PPARGC1A: variants seen among roughly 807,000 people sequenced by gnomAD.
The protein encoded by PPARGC1A is PPARG coactivator 1 alpha.
A neutral mutation model predicts 88.7 loss-of-function variants in PPARGC1A; 25 were observed. The observed-to-expected ratio is 0.28, with a 90% CI of 0.21 to 0.39. The LOEUF (loss-of-function observed/expected upper bound fraction) is 0.39. Ranked by LOEUF, PPARGC1A falls within the 10% of genes least tolerant of loss-of-function variation. PPARGC1A has a pLI of 1.00. For synonymous variants in PPARGC1A, 363 were observed against 355.6 expected (o/e 1.02, Z -0.24); for missense variants, 880 against 968.7 (o/e 0.91, Z 1.22).
chr4:24,266,100 C>G, the PPARGC1A span, among the ~76,000 whole-genome samples: 1 of 152,118 alleles, frequency 6.6e-6, no homozygotes, highest in South Asian at 2.1e-4. Flanking sequence ...AAGAACAGAA[C>G]GTAACGAGAG....
the PPARGC1A span, among the ~76,000 whole-genome samples, chr4:24,000,746 G>GATTTGAAATTT: frequency 2.6e-5 from 4 of 152,182 alleles, no homozygotes; most frequent in Non-Finnish European, 5.9e-5. Flanking sequence ...AAGACTGCAG[G>GATTTGAAATTT]ATTTGAAATT....
the PPARGC1A span, among the ~76,000 whole-genome samples, chr4:24,098,659 A>T: frequency 6.6e-6 from 1 of 152,198 alleles, no homozygotes; most frequent in East Asian, 1.9e-4. Flanking sequence ...ATTTTGTATG[A>T]ATCTGAGCCA....
the PPARGC1A span, among the ~76,000 whole-genome samples, chr4:24,053,016 A>G: frequency 6.6e-6 from 1 of 150,542 alleles, no homozygotes; most frequent in Non-Finnish European, 1.5e-5. Flanking sequence ...GGCACCCGCC[A>G]CCACACCCGG....
the PPARGC1A span, among the ~76,000 whole-genome samples, chr4:23,942,515 C>T: frequency 4.2e-3 from 645 of 152,242 alleles, 2 homozygotes; most frequent in African/African-American, 0.015. Flanking sequence ...AAGTCCCGAT[C>T]TTTGAAACAC....
At chr4:24,171,963 C>T in the PPARGC1A span, among the ~76,000 whole-genome samples, 5 of 152,148 alleles carry the variant, frequency 3.3e-5, no homozygotes, top group African/African-American at 1.2e-4. Flanking sequence ...CTTTTCTGCA[C>T]CAAGCCTAGC....
the PPARGC1A span, among the ~76,000 whole-genome samples, chr4:24,265,968 AG>A: frequency 3.9e-5 from 6 of 152,028 alleles, no homozygotes; most frequent in Non-Finnish European, 2.9e-5. Flanking sequence ...GTCATTGAAA[AG>A]CCTAAGTTTG....
chr4:24,116,571 C>G, the PPARGC1A span, among the ~76,000 whole-genome samples: 1 of 152,214 alleles, frequency 6.6e-6, no homozygotes, highest in Non-Finnish European at 1.5e-5. Flanking sequence ...GGTTTCAGAA[C>G]ACATCTCTAG....
intron 5 of PPARGC1A, among the ~76,000 whole-genome samples, chr4:23,827,021 C>T (rs985688178): frequency 6.6e-6 from 1 of 152,100 alleles, no homozygotes; most frequent in Non-Finnish European, 1.5e-5. Flanking sequence ...TCATCTGCTT[C>T]CCCTCACCTG....
In PPARGC1A at chr4:23,814,450, T is replaced by C. The variant is rs1721549911; in HGVS notation, c.1033A>G (p.Thr345Ala). ...ESSGTQGNNS[T>A]KKGPEQSELY... ...TCGGATTGCTCCGGCCCTTTCTTGGTGGAGTTATTGCCTTGTGTACCAGAA... is the reference window on the plus strand; with the variant it reads ...TCGGATTGCTCCGGCCCTTTCTTGGCGGAGTTATTGCCTTGTGTACCAGAA... Residue 345 changes from threonine to alanine, a missense_variant, in exon 8 of 13, where the codon ACC becomes GCC. Physicochemically the swap from Thr to Ala is moderately conservative, Grantham distance 58. Coordinates refer to ENST00000264867, the MANE Select transcript of PPARGC1A (RefSeq NM_013261.5). 6.2e-7 allele frequency: 1 copy of C among 1,613,402 alleles called. No homozygotes were observed. Among genetic ancestry groups the C allele is most frequent in the East Asian group, 2.2e-5 (1 of 44,804 alleles).
At chr4:23,961,847 C>A in the PPARGC1A span, among the ~76,000 whole-genome samples, 5 of 152,244 alleles carry the variant, frequency 3.3e-5, no homozygotes, top group Admixed American at 6.5e-5. Context: ...ATCCTTTTAC[C>A]CATAAGGTGA....
At chr4:23,978,327 T>G in the PPARGC1A span, among the ~76,000 whole-genome samples, 1 of 152,196 alleles carries the variant, frequency 6.6e-6, no homozygotes, top group Non-Finnish European at 1.5e-5. Flanking sequence ...TTATAAACAT[T>G]TGGTTTGCAT....
chr4:24,229,568 CATGCCT>C, the PPARGC1A span, among the ~76,000 whole-genome samples: 1 of 151,662 alleles, frequency 6.6e-6, no homozygotes, highest in African/African-American at 2.4e-5. Context: ...CACAGTGGCT[CATGCCT>C]GTAATCCCAA....
intron 1 of PPARGC1A, among the ~76,000 whole-genome samples, chr4:23,885,518 T>A (rs1168231008): frequency 6.6e-6 from 1 of 152,222 alleles, no homozygotes; most frequent in African/African-American, 2.4e-5. Flanking sequence ...GTTATTTAAA[T>A]CATTTACTCT....
chr4:24,050,444 C>T, the PPARGC1A span, among the ~76,000 whole-genome samples: 1 of 152,094 alleles, frequency 6.6e-6, no homozygotes, highest in Non-Finnish European at 1.5e-5. Flanking sequence ...GATCCGCCCA[C>T]CTCAGCCTCC....
At chr4:23,957,941 G>C in the PPARGC1A span, among the ~76,000 whole-genome samples, 1 of 152,100 alleles carries the variant, frequency 6.6e-6, no homozygotes, top group Admixed American at 6.6e-5. Flanking sequence ...GTTGATTATA[G>C]AGTCCATTTG....
the PPARGC1A span, among the ~76,000 whole-genome samples, chr4:24,446,111 T>C: frequency 6.6e-6 from 1 of 152,164 alleles, no homozygotes; most frequent in South Asian, 2.1e-4. Flanking sequence ...CCATTCAATA[T>C]AATTGAAATT....
chr4:24,038,219 C>T, the PPARGC1A span, among the ~76,000 whole-genome samples: 6 of 152,210 alleles, frequency 3.9e-5, no homozygotes, highest in Non-Finnish European at 8.8e-5. Flanking sequence ...GGCTTTGCTT[C>T]GCATAACTCT....
intron 7 of PPARGC1A, among the ~76,000 whole-genome samples, chr4:23,823,146 T>C (rs1420856104): frequency 2.0e-5 from 3 of 151,790 alleles, no homozygotes; most frequent in Admixed American, 6.6e-5. Flanking sequence ...AAAAAGGTCA[T>C]TGCTAAAAGA....
At chr4:24,102,379 T>C in the PPARGC1A span, among the ~76,000 whole-genome samples, 1 of 152,234 alleles carries the variant, frequency 6.6e-6, no homozygotes, top group South Asian at 2.1e-4. Context: ...TACACAACAC[T>C]GATGTCCACA....
Sources: allele counts gnomAD v4.1 joint callset (sites outside exome capture counted in the v4.1 genomes callset), GRCh38; gene constraint gnomAD v4.1.1; transcripts MANE v1.5; gene names NCBI Gene and HGNC (gene_info 2026-07-23, HGNC 2026-07-21).